The following HS3ST4 variants were observed in gnomAD, a reference collection of about 807,000 sequenced individuals.
The protein encoded by HS3ST4 is heparan sulfate-glucosamine 3-sulfotransferase 4, also known as heparan sulfate glucosamine 3-O-sulfotransferase 4.
Under a neutral mutation model 29.2 loss-of-function variants are expected in HS3ST4, and 17 were observed. That is an observed-to-expected ratio of 0.58 (90% CI 0.40 to 0.87). The LOEUF (loss-of-function observed/expected upper bound fraction) is 0.87, where lower values mean the gene tolerates loss of function less well. Among genes scored for constraint, HS3ST4 ranks in the 40% least tolerant of loss-of-function variants. The probability of loss-of-function intolerance (pLI) is 0.00; values close to 1 mark genes in which losing one functional copy is unlikely to be tolerated. For missense variants in HS3ST4, 627 were observed against 634.5 expected, an observed-to-expected ratio of 0.99 and a Z score of 0.13; for synonymous variants, 314 against 285.7, an observed-to-expected ratio of 1.10 and a Z score of -1.00.
chr16:25,763,468 G>C (rs894333006), intron 1 of HS3ST4, among the ~76,000 whole-genome samples: 1 of 152,176 alleles, frequency 6.6e-6, no homozygotes, highest in Non-Finnish European at 1.5e-5. Flanking sequence ...CCACGTCTAG[G>C]CAAACCCTTG....
chr16:25,919,246 G>T (rs904351297), intron 1 of HS3ST4, among the ~76,000 whole-genome samples: 20 of 152,046 alleles, frequency 1.3e-4, no homozygotes, highest in Admixed American at 1.3e-3. Context: ...GCCAGGGCTG[G>T]TCTTGAACTC....
intron 1 of HS3ST4, among the ~76,000 whole-genome samples, chr16:25,845,254 A>G (rs1967453289): frequency 6.6e-6 from 1 of 152,184 alleles, no homozygotes; most frequent in Non-Finnish European, 1.5e-5. Flanking sequence ...CATGCCTGTA[A>G]TCTCAGCACT....
intron 1 of HS3ST4, among the ~76,000 whole-genome samples, chr16:26,046,408 C>T (rs1253503853): frequency 6.6e-6 from 1 of 152,116 alleles, no homozygotes; most frequent in Non-Finnish European, 1.5e-5. Flanking sequence ...GTCTCGGCTT[C>T]CCAAAGTGCT....
At chr16:26,006,617 G>T (rs1969261605) in intron 1 of HS3ST4, among the ~76,000 whole-genome samples, 1 of 152,184 alleles carries the variant, frequency 6.6e-6, no homozygotes, top group Admixed American at 6.5e-5. Context: ...GGATGGGCAT[G>T]CAATCATAGT....
intron 1 of HS3ST4, among the ~76,000 whole-genome samples, chr16:26,011,653 A>T (rs1969311528): frequency 6.6e-6 from 1 of 151,990 alleles, no homozygotes; most frequent in South Asian, 2.1e-4. Context: ...GCTGCCAGTG[A>T]CAATGTCATA....
intron 1 of HS3ST4, among the ~76,000 whole-genome samples, chr16:25,774,738 T>C (rs1288531534): frequency 1.3e-5 from 2 of 152,318 alleles, no homozygotes; most frequent in Admixed American, 1.3e-4. Context: ...TTTGATTACA[T>C]TGGACCACCT....
At chr16:25,757,781 G>A (rs561732419) in intron 1 of HS3ST4, among the ~76,000 whole-genome samples, 5 of 151,866 alleles carry the variant, frequency 3.3e-5, no homozygotes, top group African/African-American at 7.2e-5. Context: ...GTATCTCGTC[G>A]GGTGGGGCTT....
intron 1 of HS3ST4, among the ~76,000 whole-genome samples, chr16:25,891,591 A>G (rs1968008639): frequency 6.6e-6 from 1 of 152,138 alleles, no homozygotes; most frequent in South Asian, 2.1e-4. Flanking sequence ...ACAGAAATGG[A>G]TGGCATTTCT....
At chr16:25,936,999 G>C (rs987400261) in intron 1 of HS3ST4, among the ~76,000 whole-genome samples, 2 of 152,202 alleles carry the variant, frequency 1.3e-5, no homozygotes, top group African/African-American at 4.8e-5. Context: ...ACATCTCTCA[G>C]ATTTTGTGCT....
chr16:26,135,953 G>A lies in HS3ST4; in HGVS notation c.1076G>A (p.Arg359Gln), dbSNP rs766701419. 23 of 1,613,840 alleles carry A rather than the reference G, an allele frequency of 1.4e-5. No individual in the cohort carries two copies. The East Asian group carries it at 2.5e-4, about 17-fold the overall frequency. Residue 359 changes from arginine (R) to glutamine (Q), a missense_variant, in exon 2 of 2, where the codon CGA (arginine) becomes CAA (glutamine). This residue lies in a region of HS3ST4 where 225 missense variants were observed against 293.7 expected (regional missense o/e 0.77). Transcript: ENST00000331351. The part of the protein sequence containing the change: ...LSQILFVSGE[R>Q]LIVDPAGEMA... ...CAGATCCTCTTTGTCAGTGGTGAGC[G>A]ACTCATTGTGGACCCCGCCGGGGAA... is the stretch of plus-strand genomic sequence containing the variant.
In HS3ST4 at chr16:25,720,345, C is replaced by A. The variant is rs146624180; in HGVS notation, c.734+27194C>A. Among the ~76,000 whole-genome samples the A allele has an allele frequency of 9.9e-4, 150 of 152,144 alleles. No individual in the cohort carries two copies. In the East Asian group the frequency reaches 0.023, roughly 23 times the overall value. On this transcript the variant is annotated intron_variant, in intron 1 of 1. Coordinates refer to ENST00000331351, the MANE Select transcript of HS3ST4 (RefSeq NM_006040.3). Reference sequence around the variant, plus strand: ...AGGTAGGAGCCAGATCCCATAAGACCCCTAGTAAGATGGGAGCCCTGGTGG... The same window carrying A: ...AGGTAGGAGCCAGATCCCATAAGACACCTAGTAAGATGGGAGCCCTGGTGG...
intron 1 of HS3ST4, among the ~76,000 whole-genome samples, chr16:26,131,179 C>T (rs114850677): frequency 0.019 from 2,850 of 152,248 alleles, 105 homozygotes; most frequent in African/African-American, 0.065. Flanking sequence ...CACCCAGGCC[C>T]CCCACCATTT....
chr16:26,104,756 A>G (rs1567313185), intron 1 of HS3ST4, among the ~76,000 whole-genome samples: 1 of 152,204 alleles, frequency 6.6e-6, no homozygotes, highest in South Asian at 2.1e-4. Flanking sequence ...TCATGTCTCA[A>G]CTAAGACCCT....
At chr16:25,977,706 ATACTTGGCC>A (rs759812992) in intron 1 of HS3ST4, among the ~76,000 whole-genome samples, 1 of 152,234 alleles carries the variant, frequency 6.6e-6, no homozygotes, top group Non-Finnish European at 1.5e-5. Context: ...CAGTCCCAAG[ATACTTGGCC>A]TATAAAAGGA....
intron 1 of HS3ST4, among the ~76,000 whole-genome samples, chr16:26,018,569 A>C (rs1320206926): frequency 6.6e-6 from 1 of 152,168 alleles, no homozygotes; most frequent in African/African-American, 2.4e-5. Context: ...ACACATGAGA[A>C]AACTGAATCC....
intron 1 of HS3ST4, among the ~76,000 whole-genome samples, chr16:25,902,942 T>C (rs891965400): frequency 4.0e-5 from 6 of 148,658 alleles, no homozygotes; most frequent in Admixed American, 3.4e-4. Context: ...TACAAAAAAA[T>C]ACAAAAATTG....
At chr16:25,766,916 C>T (rs1966823709) in intron 1 of HS3ST4, among the ~76,000 whole-genome samples, 1 of 152,148 alleles carries the variant, frequency 6.6e-6, no homozygotes, top group Non-Finnish European at 1.5e-5. Context: ...CAGATACACG[C>T]ACCTAGTCTG....
chr16:25,961,961 A>G (rs1022185344), intron 1 of HS3ST4, among the ~76,000 whole-genome samples: 1 of 152,264 alleles, frequency 6.6e-6, no homozygotes, highest in Admixed American at 6.5e-5. Context: ...ATGCTAGATA[A>G]GATGATACTG....
chr16:25,858,021 T>C (rs919550143), intron 1 of HS3ST4, among the ~76,000 whole-genome samples: 1 of 150,632 alleles, frequency 6.6e-6, no homozygotes, highest in African/African-American at 2.4e-5. Context: ...GTCTTTTTCT[T>C]TCTTTCCTCT....
Sources: gnomAD v4.1 joint callset for allele counts (sites outside exome capture counted in the v4.1 genomes callset) on GRCh38, gnomAD v4.1.1 for gene constraint, gnomAD v4.1.1 regional missense constraint, MANE v1.5 for transcripts, NCBI Gene and HGNC (gene_info 2026-07-23, HGNC 2026-07-21) for gene names.